BOK: variants seen among roughly 807,000 people sequenced by gnomAD.
BOK encodes the protein BCL2 family apoptosis regulator BOK.
Under a neutral mutation model 18.3 loss-of-function variants are expected in BOK, and 20 were observed. The ratio of observed to expected loss-of-function variants is 1.09; its 90% CI spans 0.77 to 1.59. The LOEUF is 1.59. Ranked by LOEUF, BOK falls within the 40% of genes most tolerant of loss-of-function variation. The pLI is 0.00. For synonymous variants in BOK, 173 were observed against 142.4 expected (o/e 1.21, Z -1.53); for missense variants, 348 against 307.9 (o/e 1.13, Z -0.97).
intron 2 of BOK, among the ~76,000 whole-genome samples, 173 bp downstream of exon 2, chr2:241,559,876 C>T (rs1438555570): frequency 1.3e-5 from 2 of 152,282 alleles, no homozygotes; most frequent in African/African-American, 4.8e-5. Flanking sequence ...CCCTCTCAGG[C>T]CTCCCACGCC....
rs1452637982 is a variant in BOK at position 241,562,155 on chromosome 2, A to G, written c.221-193A>G. Among the ~76,000 whole-genome samples, 1 of 152,134 alleles carries G rather than the reference A, an allele frequency of 6.6e-6. No individual in the cohort carries two copies. Among genetic ancestry groups the G allele is most frequent in the Non-Finnish European group, 1.5e-5 (1 of 67,996 alleles). ...GTACTTCCTTGGTCTTCTGGTCCCT[A>G]GGGGCCAAGGTTGGGGGATGGCCCA... On this transcript the variant is annotated intron_variant, in intron 2 of 4. Coordinates refer to ENST00000318407, the MANE Select transcript of BOK (RefSeq NM_032515.5). This position sits in a 1 kb window ranked among gnomAD's most constrained non-coding sequence, Gnocchi z 4.5.
Position 241,569,806 on chromosome 2 carries a change from C to T in BOK, c.350-319C>T, listed in dbSNP as rs768921090. 5.1e-4 allele frequency among the ~76,000 whole-genome samples: 78 copies of T among 152,188 alleles called. 2 individuals carry two copies. The highest frequency in any genetic ancestry group is 8.8e-5 in the Non-Finnish European group (6 of 68,028). ...CCAGGCCTGTTGTGGGAACAGGCAG[C>T]CCAGGGGTGCCACCCGTGAGGTCAC... On this transcript the variant is annotated intron_variant, in intron 3 of 4. Transcript: ENST00000318407.
At chr2:241,557,348 G>C, upstream of BOK, among the ~76,000 whole-genome samples, 1 of 113,588 alleles carries the variant, frequency 8.8e-6, no homozygotes, top group African/African-American at 3.4e-5. Context: ...ACACTCTGTT[G>C]TCCAGGCTGG....
intron 3 of BOK, among the ~76,000 whole-genome samples, chr2:241,567,213 G>T (rs1220101165): frequency 7.7e-6 from 1 of 129,250 alleles, no homozygotes; most frequent in Non-Finnish European, 1.6e-5. Context: ...TGCAACCTCC[G>T]CCACCCGGGT....
chr2:241,561,843 C>T (rs561483764), intron 2 of BOK, among the ~76,000 whole-genome samples: 13 of 152,352 alleles, frequency 8.5e-5, no homozygotes, highest in East Asian at 7.7e-4. Flanking sequence ...GGGCCTGAGC[C>T]GGGCTCTCGG....
chr2:241,555,106 C>T (rs2066440497), upstream of BOK, among the ~76,000 whole-genome samples: 1 of 152,192 alleles, frequency 6.6e-6, no homozygotes, highest in South Asian at 2.1e-4. Flanking sequence ...TCAGCTAACT[C>T]CAGCATGACC....
chr2:241,568,481 G>A (rs968389620), intron 3 of BOK, among the ~76,000 whole-genome samples: 4 of 151,330 alleles, frequency 2.6e-5, no homozygotes, highest in African/African-American at 7.3e-5. Flanking sequence ...ACAGTGGTGC[G>A]ATCTGGGCTC....
At position 241,560,163 on chromosome 2, in the gene BOK, G is replaced by A. The variant is rs1292014188; in HGVS notation, c.220+460G>A. On this transcript the variant is annotated intron_variant, in intron 2 of 4. Transcript: ENST00000318407. ...CATTGGAAACTGCGCCCACCGGGCT[G>A]GGTAGCCAAAACCTCAGTATTCGTT... The A allele has an allele frequency of 4.1e-6, 4 of 985,360 alleles. No homozygotes were observed. In the African/African-American group the frequency reaches 7.0e-5, roughly 17 times the overall value. The allele number at this position is 985,360 out of a possible 1,614,324, so 61.0% of individuals were successfully genotyped here.
chr2:241,559,430 C>T, intron 1 of BOK, 25 bp from the exon 2 acceptor site: 1 of 1,321,906 alleles, frequency 7.6e-7, no homozygotes, highest in Non-Finnish European at 9.6e-7. Flanking sequence ...CCTCCCTCCA[C>T]CCGGCTGAGC....
chr2:241,559,507 G>C lies in BOK; in HGVS notation c.24G>C (p.Ser8=), dbSNP rs776139987. The change falls in exon 2 of 5, where the codon TCG becomes TCC. Residue 8 remains serine (S), a synonymous_variant. Transcript: ENST00000318407. MEVLRRS[S]VFAAEIMDAF... ...CCATGGAGGTGCTGCGGCGCTCCTCGGTCTTCGCCGCCGAGATCATGGACG... is the reference window on the plus strand; with the variant it reads ...CCATGGAGGTGCTGCGGCGCTCCTCCGTCTTCGCCGCCGAGATCATGGACG... 7.4e-6 allele frequency: 11 copies of C among 1,490,878 alleles called. No homozygotes were observed. Among genetic ancestry groups the C allele is most frequent in the South Asian group, 1.3e-5 (1 of 78,700 alleles). The allele number at this position is 1,490,878 out of a possible 1,614,324, so 92.4% of individuals were successfully genotyped here.
At chr2:241,554,673 G>A (rs757892303), upstream of BOK, among the ~76,000 whole-genome samples, 1 of 152,252 alleles carries the variant, frequency 6.6e-6, no homozygotes, top group African/African-American at 2.4e-5. Flanking sequence ...AACTTGTGAG[G>A]TATATACAGG....
chr2:241,554,537 G>A (rs576190147), upstream of BOK, among the ~76,000 whole-genome samples: 29 of 152,308 alleles, frequency 1.9e-4, 1 homozygote, highest in Middle Eastern at 3.4e-3. Context: ...AGGCCTGACT[G>A]CTTAACACCT....
rs1035072369 is a variant in BOK, at chr2:241,559,663, G to C, written c.180G>C (p.Pro60=). The C allele has an allele frequency of 8.7e-6, 12 of 1,380,734 alleles. No individual in the cohort carries two copies. Among genetic ancestry groups the C allele is most frequent in the African/African-American group, 6.1e-5 (4 of 65,780 alleles). The allele number at this position is 1,380,734 out of a possible 1,614,324, so 85.5% of individuals were successfully genotyped here. Residue 60 remains proline, a synonymous_variant, in exon 2 of 5, where the codon CCG becomes CCC. Coordinates refer to ENST00000318407, the MANE Select transcript of BOK (RefSeq NM_032515.5). ...CGCCCGAGCGTGCCGCGCCGGTCCC[G>C]GGACGCCTGGCTGAGGTGTGCGCGG... ...WSAPERAAPV[P]GRLAEVCAVL... is the part of the protein sequence containing the mutation.
rs779151849 is a variant in BOK at position 241,570,155 on chromosome 2, A to G, written c.380A>G (p.Tyr127Cys). The G allele has an allele frequency of 9.9e-6, 16 of 1,611,564 alleles. No individual in the cohort carries two copies. The highest frequency in any genetic ancestry group is 5.0e-5 in the Admixed American group (3 of 59,642). Residue 127 changes from tyrosine (Y) to cysteine (C), a missense_variant, in exon 4 of 5, where the codon TAT becomes TGT. Transcript: ENST00000318407. ...ACGTGGGGCAAGGTGGTGTCCCTGT[A>G]TGCGGTGGCCGCGGGGCTGGCCGTG... Reference protein sequence around the residue: ...GITWGKVVSLYAVAAGLAVDC... With the variant: ...GITWGKVVSLCAVAAGLAVDC...
At chr2:241,557,308 CT>C (rs59048690), upstream of BOK, among the ~76,000 whole-genome samples, 410 of 126,712 alleles carry the variant, frequency 3.2e-3, 2 homozygotes, top group Non-Finnish European at 3.9e-3. Flanking sequence ...TTTCTTTTTC[CT>C]TTTTTTTTTT....
In BOK at chr2:241,570,136, G is replaced by A; in HGVS notation, c.361G>A (p.Gly121Ser). The A allele has an allele frequency of 1.2e-6, 2 of 1,611,568 alleles. No individual in the cohort carries two copies. The highest frequency in any genetic ancestry group is 2.2e-5 in the East Asian group (1 of 44,808). The change falls in exon 4 of 5, where the codon GGC becomes AGC. Residue 121 changes from glycine to serine, a missense_variant. Transcript: ENST00000318407. ...GHIFSAGITW[G>S]KVVSLYAVAA... ...CTCTCTCCCTGCAGGCATCACGTGGGGCAAGGTGGTGTCCCTGTATGCGGT... is the reference window on the plus strand; with the variant it reads ...CTCTCTCCCTGCAGGCATCACGTGGAGCAAGGTGGTGTCCCTGTATGCGGT...
intron 2 of BOK, among the ~76,000 whole-genome samples, chr2:241,561,907 G>A (rs1356635850): frequency 2.0e-5 from 3 of 152,084 alleles, no homozygotes; most frequent in Admixed American, 6.5e-5. Context: ...TCCCCACGTC[G>A]GGCTCCCCTG....
intron 4 of BOK, 103 bp from the exon 5 acceptor site, chr2:241,572,194 C>G: frequency 8.6e-6 from 13 of 1,513,252 alleles, no homozygotes; most frequent in Non-Finnish European, 1.2e-5. Flanking sequence ...TCCCTTCATG[C>G]AATTTTGCTG....
At chr2:241,553,421 G>A (rs919582172) in intron 1 of BOK, among the ~76,000 whole-genome samples, 1 of 152,116 alleles carries the variant, frequency 6.6e-6, no homozygotes, top group African/African-American at 2.4e-5. Flanking sequence ...CAAAGTGCTG[G>A]GATTACAGGT....
Sources: allele counts gnomAD v4.1 joint callset (sites outside exome capture counted in the v4.1 genomes callset), GRCh38; gene constraint gnomAD v4.1.1; non-coding constraint Gnocchi (gnomAD v3.1); transcripts MANE v1.5; gene names NCBI Gene and HGNC (gene_info 2026-07-23, HGNC 2026-07-21).